ZCCHC2: variants seen among roughly 807,000 people sequenced by gnomAD.
ZCCHC2 encodes the protein zinc finger CCHC domain-containing protein 2.
In ZCCHC2, 39 loss-of-function variants were observed where a neutral mutation model predicts 103.6. The observed-to-expected ratio is 0.38, with a 90% confidence interval of 0.29 to 0.49. ZCCHC2 has a LOEUF of 0.49. Among genes scored for constraint, ZCCHC2 ranks in the 20% least tolerant of loss-of-function variants. The pLI, the probability that ZCCHC2 is intolerant of heterozygous loss-of-function variation, is 0.96. For synonymous variants in ZCCHC2, 687 were observed against 608.9 expected, an observed-to-expected ratio of 1.13 and a Z score of -1.89; for missense variants, 1,483 against 1,491.0, an observed-to-expected ratio of 0.99 and a Z score of 0.09.
intron 2 of ZCCHC2, among the ~76,000 whole-genome samples, chr18:62,540,005 A>ATG (rs1915106887): frequency 6.6e-6 from 1 of 152,014 alleles, no homozygotes; most frequent in Admixed American, 6.6e-5. Flanking sequence ...TAGCACGCAC[A>ATG]CAGTCATTCT....
chr18:62,544,913 A>G (rs1915347944), intron 4 of ZCCHC2, 40 bp downstream of exon 4: 2 of 1,447,832 alleles, frequency 1.4e-6, no homozygotes, highest in South Asian at 1.4e-5. Context: ...TTTTTATATA[A>G]TATACAGAAT....
At chr18:62,537,148 T>G (rs1357641331) in intron 1 of ZCCHC2, among the ~76,000 whole-genome samples, 1 of 152,140 alleles carries the variant, frequency 6.6e-6, no homozygotes, top group Non-Finnish European at 1.5e-5. Flanking sequence ...TAACACCCTA[T>G]TCCCTCCAGT....
chr18:62,567,353 T>C (rs755712267), intron 11 of ZCCHC2, among the ~76,000 whole-genome samples: 4 of 152,206 alleles, frequency 2.6e-5, no homozygotes, highest in Non-Finnish European at 5.9e-5. Flanking sequence ...GATTAGCAGG[T>C]TGTTTGGATC....
chr18:62,550,237 G>A lies in ZCCHC2; in HGVS notation c.1201-111G>A, dbSNP rs1915604551. 5.1e-6 allele frequency: 4 copies of A among 790,444 alleles called. No homozygotes were observed. The South Asian group carries it at 7.2e-5, about 14-fold the overall frequency. 49.0% of individuals were successfully genotyped at this position (790,444 alleles called of 1,614,324 possible). A position where few individuals can be genotyped will look rare whatever the true frequency, so the allele number is the denominator to read the frequency against. On this transcript the variant is annotated intron_variant, in intron 4 of 13. Coordinates refer to ENST00000269499, the MANE Select transcript of ZCCHC2 (RefSeq NM_017742.6). ...AAGATTTGGAAAACAAACTGCTTTTGGGAAAATAATGAGCAGGAGGCATTA... is the reference window on the plus strand; with the variant it reads ...AAGATTTGGAAAACAAACTGCTTTTAGGAAAATAATGAGCAGGAGGCATTA...
Position 62,523,434 on chromosome 18 carries a change from A to T in ZCCHC2, c.10A>T (p.Met4Leu), listed in dbSNP as rs1204614117. Residue 4 changes from methionine (M) to leucine (L), a missense_variant, in exon 1 of 14, where the codon ATG (methionine) becomes TTG (leucine). By Grantham distance (15) the Met-to-Leu change is conservative. This residue lies in a region of ZCCHC2 where 568 missense variants were observed against 525.1 expected (regional missense o/e 1.08). Coordinates refer to ENST00000269499, the MANE Select transcript of ZCCHC2 (RefSeq NM_017742.6). ...GCCGCCCTAGCCGAGGATGCTGAGG[A>T]TGAAGCTGCCGCTGAAGCCAACGCA... MLR[M>L]KLPLKPTHPA... The T allele has an allele frequency of 2.8e-6, 3 of 1,077,524 alleles. No homozygotes were observed. Among genetic ancestry groups the T allele is most frequent in the Non-Finnish European group, 3.4e-6 (3 of 883,078 alleles). 66.7% of individuals were successfully genotyped at this position (1,077,524 alleles called of 1,614,324 possible). A position where few individuals can be genotyped will look rare whatever the true frequency, so the allele number is the denominator to read the frequency against.
At chr18:62,586,151 T>G (rs1454114659) in exon 15 of ZCCHC2, 1 of 150,890 alleles carries the variant, frequency 6.6e-6, no homozygotes, top group Non-Finnish European at 1.5e-5. Context: ...GGTAAATTGG[T>G]GTAAAAATGG....
chr18:62,540,777 T>G (rs1017183873), intron 2 of ZCCHC2, among the ~76,000 whole-genome samples: 11 of 152,234 alleles, frequency 7.2e-5, no homozygotes, highest in Non-Finnish European at 1.2e-4. Flanking sequence ...TATTCCTACT[T>G]CTTAAAAAGT....
exon 15 of ZCCHC2, chr18:62,586,214 C>G (rs1917167422): frequency 6.6e-6 from 1 of 151,844 alleles, no homozygotes; most frequent in Non-Finnish European, 1.5e-5. Context: ...TGAATTGAAG[C>G]CTACTTTTTC....
intron 12 of ZCCHC2, 74 bp from the exon 13 acceptor site, chr18:62,573,983 C>T: frequency 7.0e-7 from 1 of 1,438,276 alleles, no homozygotes. Flanking sequence ...TTGAGGTATA[C>T]TCAATGTTTA....
chr18:62,530,137 A>G (rs1411529082), intron 1 of ZCCHC2, among the ~76,000 whole-genome samples: 2 of 152,224 alleles, frequency 1.3e-5, no homozygotes, highest in African/African-American at 2.4e-5. Flanking sequence ...TTTTATATGT[A>G]CTATACATAC....
intron 12 of ZCCHC2, 100 bp downstream of exon 12, chr18:62,570,331 TATG>T (rs1916545443): frequency 7.0e-7 from 1 of 1,424,400 alleles, no homozygotes; most frequent in Admixed American, 2.3e-5. Flanking sequence ...CAAGGAATTT[TATG>T]ATCCTATAAA....
intron 1 of ZCCHC2, among the ~76,000 whole-genome samples, chr18:62,526,587 C>T (rs1914407205): frequency 6.6e-6 from 1 of 152,194 alleles, no homozygotes; most frequent in Non-Finnish European, 1.5e-5. Flanking sequence ...TCATTCGCTG[C>T]AGTCCGGCCC....
intron 5 of ZCCHC2, among the ~76,000 whole-genome samples, chr18:62,552,891 TAAA>T (rs35372929): frequency 7.1e-6 from 1 of 141,232 alleles, no homozygotes; most frequent in Non-Finnish European, 1.5e-5. Context: ...CCCTGTCTCT[TAAA>T]AAAAAAAAAA....
chr18:62,540,112 A>G (rs1186773002), intron 2 of ZCCHC2, among the ~76,000 whole-genome samples: 1 of 152,210 alleles, frequency 6.6e-6, no homozygotes, highest in Non-Finnish European at 1.5e-5. Flanking sequence ...CTTTATTTGC[A>G]GAATTGAGCT....
chr18:62,541,709 A>G (rs1017151232), intron 2 of ZCCHC2, among the ~76,000 whole-genome samples: 2 of 152,178 alleles, frequency 1.3e-5, no homozygotes, highest in African/African-American at 4.8e-5. Context: ...AAGTCCTTAG[A>G]GTAGAGTACG....
intron 4 of ZCCHC2, 133 bp downstream of exon 4, chr18:62,545,006 G>A (rs1369221828): frequency 6.0e-6 from 4 of 666,380 alleles, no homozygotes; most frequent in Non-Finnish European, 9.5e-6. Flanking sequence ...ATGAACATTA[G>A]CTGTGGAAAA....
chr18:62,550,703 T>C (rs1296758495), intron 5 of ZCCHC2, among the ~76,000 whole-genome samples: 3 of 152,270 alleles, frequency 2.0e-5, no homozygotes, highest in Non-Finnish European at 2.9e-5. Flanking sequence ...TATGCAGATA[T>C]TGAATAAAGG....
chr18:62,573,474 C>T (rs1235411763), intron 12 of ZCCHC2, among the ~76,000 whole-genome samples: 2 of 152,036 alleles, frequency 1.3e-5, no homozygotes, highest in Non-Finnish European at 2.9e-5. Context: ...TGTGTTCTAG[C>T]GTGTTTGTTT....
chr18:62,563,374 C>T (rs916617076), intron 9 of ZCCHC2, among the ~76,000 whole-genome samples: 3 of 152,104 alleles, frequency 2.0e-5, no homozygotes, highest in Non-Finnish European at 2.9e-5. Context: ...TAATATGACA[C>T]CTTCCCAGGC....
Sources: allele counts gnomAD v4.1 joint callset (sites outside exome capture counted in the v4.1 genomes callset), GRCh38; gene constraint gnomAD v4.1.1; regional missense constraint gnomAD v4.1.1; transcripts MANE v1.5; gene names NCBI Gene and HGNC (gene_info 2026-07-23, HGNC 2026-07-21).